PXT1: variants seen among roughly 807,000 people sequenced by gnomAD.
The protein encoded by PXT1 is peroxisomal testis-specific protein 1.
A neutral mutation model predicts 11.0 loss-of-function variants in PXT1; 11 were observed. That is an observed-to-expected ratio of 1.00 (90% CI 0.63 to 1.66). The LOEUF is 1.66. PXT1 is among the 40% of genes most tolerant of loss of function. The pLI is 0.00. For missense variants in PXT1, 141 were observed against 155.5 expected (o/e 0.91, Z 0.49); for synonymous variants, 43 against 51.4 (o/e 0.84, Z 0.70).
intron 2 of PXT1, among the ~76,000 whole-genome samples, chr6:36,428,364 G>A (rs1001849634): frequency 6.6e-6 from 1 of 151,390 alleles, no homozygotes; most frequent in Admixed American, 6.6e-5. Context: ...AGACTGGCTT[G>A]AACCCTAGAG....
Position 36,391,873 on chromosome 6 carries a change from T to C in PXT1, c.302A>G (p.Asp101Gly). Residue 101 changes from aspartate (D) to glycine (G), a missense_variant and splice_region_variant, in exon 5 of 5, where the codon GAT (aspartate) becomes GGT (glycine). Coordinates refer to ENST00000454782, the MANE Select transcript of PXT1 (RefSeq NM_152990.4). Reference protein sequence around the residue: ...DNIDHRMVREDLQQDGRDALD... With the variant: ...DNIDHRMVREGLQQDGRDALD... The stretch of plus-strand genomic sequence containing the variant: ...TGCATCTCTGCCATCCTGTTGAAGA[T>C]CCTATTTGAAAAAAGGGAGACACAG... 1 of 1,587,384 alleles carries C rather than the reference T, an allele frequency of 6.3e-7. No homozygotes were observed.
chr6:36,417,337 ACTCCGTCTC>A (rs1774463010), intron 3 of PXT1, among the ~76,000 whole-genome samples: 2 of 151,958 alleles, frequency 1.3e-5, no homozygotes, highest in Admixed American at 1.3e-4. Flanking sequence ...ACAAAGCAAG[ACTCCGTCTC>A]AAAATAATAA....
At chr6:36,394,733 A>G (rs1774119132) in intron 4 of PXT1, among the ~76,000 whole-genome samples, 1 of 151,516 alleles carries the variant, frequency 6.6e-6, no homozygotes, top group Admixed American at 6.6e-5. Context: ...TTTAAAAAAA[A>G]AACTGAATTA....
chr6:36,421,333 T>C (rs1774522464), intron 3 of PXT1, among the ~76,000 whole-genome samples: 2 of 151,896 alleles, frequency 1.3e-5, no homozygotes, highest in South Asian at 4.1e-4. Flanking sequence ...TGATGATGCA[T>C]ACCTATGGTC....
chr6:36,407,280 CCAT>C (rs1220855303), intron 3 of PXT1, among the ~76,000 whole-genome samples: 9 of 152,130 alleles, frequency 5.9e-5, no homozygotes, highest in South Asian at 2.1e-4. Context: ...AGCTATACCA[CCAT>C]ATTGTAAGAA....
rs777649766 is a variant in PXT1, at chr6:36,400,563, G to A, written c.191C>T (p.Pro64Leu). 6.2e-7 allele frequency: 1 copy of A among 1,613,308 alleles called. No individual in the cohort carries two copies. Among genetic ancestry groups the A allele is most frequent in the Admixed American group, 1.7e-5 (1 of 59,958 alleles). ...CTTCTGAACAATGCTATGCTCCTTG[G>A]GCTGAGAAAGTAGATTATGATCTGC... ...RNPDHNLLSQ[P>L]KEHSIVQKHH... Residue 64 changes from proline to leucine, a missense_variant, in exon 4 of 5, where the codon CCC becomes CTC. Coordinates refer to ENST00000454782, the MANE Select transcript of PXT1 (RefSeq NM_152990.4).
In PXT1 at chr6:36,420,185, C is replaced by A. The variant is rs530111504; in HGVS notation, c.169+5729G>T. On this transcript the variant is annotated intron_variant, in intron 3 of 4. Coordinates refer to ENST00000454782, the MANE Select transcript of PXT1 (RefSeq NM_152990.4). ...CTATGTAGGGAGCAATGTTATCTAT[C>A]TATCTATCAATCAAATTTTACAAAC... Among the ~76,000 whole-genome samples, 16 of 152,312 alleles carry A rather than the reference C, an allele frequency of 1.1e-4. No individual in the cohort carries two copies. In the South Asian group the frequency reaches 3.3e-3, roughly 32 times the overall value.
chr6:36,425,897 T>C lies in PXT1; in HGVS notation c.169+17A>G. 1 of 1,525,862 alleles carries C rather than the reference T, an allele frequency of 6.6e-7. No homozygotes were observed. Among genetic ancestry groups the C allele is most frequent in the Non-Finnish European group, 8.8e-7 (1 of 1,140,398 alleles). The allele number at this position is 1,525,862 out of a possible 1,614,324, so 94.5% of individuals were successfully genotyped here. A position where few individuals can be genotyped will look rare whatever the true frequency, so the allele number is the denominator to read the frequency against. On this transcript the variant is annotated intron_variant, in intron 3 of 4. Transcript: ENST00000454782. ...GCTAAGTAAACTATTTATCTTAGTT[T>C]AATCCAAATATCTTACCTGGGTTCC...
At chr6:36,435,378 G>A (rs1308189863) in intron 2 of PXT1, among the ~76,000 whole-genome samples, 1 of 152,068 alleles carries the variant, frequency 6.6e-6, no homozygotes, top group Non-Finnish European at 1.5e-5. Context: ...GCCAAGATAG[G>A]TAGACCCCCA....
At chr6:36,439,313 T>C (rs1774820470) in intron 1 of PXT1, among the ~76,000 whole-genome samples, 1 of 151,444 alleles carries the variant, frequency 6.6e-6, no homozygotes, top group Non-Finnish European at 1.5e-5. Context: ...GCAGTTTATT[T>C]AAAACTCATA....
intron 3 of PXT1, among the ~76,000 whole-genome samples, chr6:36,419,294 A>C (rs1040578698): frequency 6.6e-6 from 1 of 152,248 alleles, no homozygotes; most frequent in Non-Finnish European, 1.5e-5. Context: ...GTTTAACAGA[A>C]TAACTAATCA....
chr6:36,416,355 TA>T (rs1774447605), intron 3 of PXT1, among the ~76,000 whole-genome samples: 1 of 151,912 alleles, frequency 6.6e-6, no homozygotes, highest in Admixed American at 6.6e-5. Flanking sequence ...ACCCTATCTC[TA>T]AAAAGAATAA....
chr6:36,408,354 C>T (rs1774319645), intron 3 of PXT1, among the ~76,000 whole-genome samples: 1 of 150,620 alleles, frequency 6.6e-6, no homozygotes, highest in Admixed American at 6.6e-5. Flanking sequence ...CTGCAACCTG[C>T]TAGGCTCAAG....
intron 3 of PXT1, among the ~76,000 whole-genome samples, chr6:36,419,975 G>C (rs1774500647): frequency 6.6e-6 from 1 of 152,148 alleles, no homozygotes; most frequent in African/African-American, 2.4e-5. Flanking sequence ...CCAAGAGTAA[G>C]CTCCTAAGTA....
chr6:36,423,915 G>A lies in PXT1; in HGVS notation c.169+1999C>T, dbSNP rs539758446. ...GCGTATGGTAAAACGGGAGTTCTAG[G>A]CATGAAAACAAGCATGTACGTTAGC... On this transcript the variant is annotated intron_variant, in intron 3 of 4. Transcript: ENST00000454782. Among the ~76,000 whole-genome samples the A allele has an allele frequency of 3.3e-5, 5 of 152,320 alleles. No homozygotes were observed. In the East Asian group the frequency reaches 9.6e-4, roughly 29 times the overall value.
rs368526899 is a variant in PXT1, at chr6:36,431,060, C to A, written c.-9-4969G>T. 8.5e-5 allele frequency among the ~76,000 whole-genome samples: 13 copies of A among 152,262 alleles called. No individual in the cohort carries two copies. The East Asian group carries it at 9.7e-4, about 11-fold the overall frequency. On this transcript the variant is annotated intron_variant, in intron 2 of 4. Transcript: ENST00000454782. ...CAAACTCCTGACCTCAAGTGATACA[C>A]CCCCCTCGGCCTCCCAAAGTGCTGG...
At chr6:36,400,323 T>C in intron 4 of PXT1, 131 bp downstream of exon 4, 1 of 1,116,678 alleles carries the variant, frequency 9.0e-7, no homozygotes, top group South Asian at 1.5e-5. Context: ...AGATCTAACA[T>C]TTGGTAATCC....
At chr6:36,411,048 T>C (rs1034852734) in intron 3 of PXT1, among the ~76,000 whole-genome samples, 3 of 152,012 alleles carry the variant, frequency 2.0e-5, no homozygotes, top group Non-Finnish European at 4.4e-5. Context: ...AATCAGTATG[T>C]GTCTTATAAT....
intron 1 of PXT1, among the ~76,000 whole-genome samples, chr6:36,439,843 GCGTAA>G (rs1169655086): frequency 2.0e-5 from 3 of 152,136 alleles, no homozygotes; most frequent in Non-Finnish European, 2.9e-5. Flanking sequence ...CCGAAACCCA[GCGTAA>G]CACATTTCCA....
Sources: gnomAD v4.1 joint callset for allele counts (sites outside exome capture counted in the v4.1 genomes callset) on GRCh38, gnomAD v4.1.1 for gene constraint, MANE v1.5 for transcripts, NCBI Gene and HGNC (gene_info 2026-07-23, HGNC 2026-07-21) for gene names.